AKAP6: variants seen among roughly 807,000 people sequenced by gnomAD.
AKAP6 encodes A-kinase anchoring protein 6, also known as A-kinase anchor protein 6.
A neutral mutation model predicts 188.5 loss-of-function variants in AKAP6; 58 were observed. That is an observed-to-expected ratio of 0.31 (90% CI 0.25 to 0.38). The LOEUF is 0.38. Ranked by LOEUF, AKAP6 falls within the 10% of genes least tolerant of loss-of-function variation. The pLI is 1.00. For synonymous variants in AKAP6, 989 were observed against 998.6 expected (o/e 0.99, Z 0.18); for missense variants, 2,710 against 2,740.0 (o/e 0.99, Z 0.24).
intron 7 of AKAP6, among the ~76,000 whole-genome samples, chr14:32,614,242 C>A (rs1377782623): frequency 6.6e-6 from 1 of 152,164 alleles, no homozygotes; most frequent in African/African-American, 2.4e-5. Flanking sequence ...AGACCTTTGG[C>A]AAATAGCATC....
At chr14:32,612,219 A>G (rs1886377277) in intron 7 of AKAP6, among the ~76,000 whole-genome samples, 1 of 152,124 alleles carries the variant, frequency 6.6e-6, no homozygotes, top group African/African-American at 2.4e-5. Flanking sequence ...GTGGTTTTGA[A>G]TTTCTGTTTA....
At chr14:32,678,035 A>G (rs576962055) in intron 7 of AKAP6, among the ~76,000 whole-genome samples, 1 of 152,338 alleles carries the variant, frequency 6.6e-6, no homozygotes, top group Non-Finnish European at 1.5e-5. Context: ...TTTTATGTAA[A>G]GTCTTATCAT....
intron 4 of AKAP6, among the ~76,000 whole-genome samples, chr14:32,567,064 G>A (rs1196827098): frequency 6.6e-6 from 1 of 152,064 alleles, no homozygotes; most frequent in Non-Finnish European, 1.5e-5. Flanking sequence ...CTGGACTACA[G>A]GTGCACACCA....
intron 1 of AKAP6, among the ~76,000 whole-genome samples, chr14:32,340,343 A>G (rs115200076): frequency 0.012 from 1,864 of 152,322 alleles, 37 homozygotes; most frequent in African/African-American, 0.042. Flanking sequence ...ATGTACAAAT[A>G]CATTACTGTG....
intron 12 of AKAP6, among the ~76,000 whole-genome samples, chr14:32,779,727 T>G (rs187859590): frequency 3.6e-3 from 545 of 152,292 alleles, no homozygotes; most frequent in Non-Finnish European, 5.0e-3. Flanking sequence ...GGGCAGAGAT[T>G]CCATTACTTT....
Position 32,824,623 on chromosome 14 carries a change from T to C in AKAP6, c.6810T>C (p.Ala2270=). ...GESGMPEEHN[A]ASAKSKVQDL... ...CTGGAATGCCAGAAGAACATAATGC[T>C]GCTTCAGCCAAATCTAAAGTTCAAG... The change falls in exon 13 of 14, where the codon GCT becomes GCC. Residue 2270 remains alanine, a synonymous_variant. Transcript: ENST00000280979. 1.2e-6 allele frequency: 2 copies of C among 1,613,938 alleles called. No individual in the cohort carries two copies. The highest frequency in any genetic ancestry group is 1.7e-6 in the Non-Finnish European group (2 of 1,179,922).
chr14:32,525,708 C>T (rs1882085814), intron 2 of AKAP6, among the ~76,000 whole-genome samples: 2 of 152,150 alleles, frequency 1.3e-5, no homozygotes, highest in African/African-American at 4.8e-5. Context: ...TAGGGGTTTA[C>T]CTCTAATTTG....
chr14:32,803,281 A>C (rs2033999627), intron 12 of AKAP6, among the ~76,000 whole-genome samples: 1 of 80,954 alleles, frequency 1.2e-5, no homozygotes, highest in East Asian at 3.3e-4. Context: ...CCGTCTCTAT[A>C]AAAAAAAAAA....
intron 2 of AKAP6, among the ~76,000 whole-genome samples, chr14:32,510,404 G>GTA (rs1491117066): frequency 2.7e-5 from 2 of 74,756 alleles, no homozygotes; most frequent in Admixed American, 1.5e-4. Context: ...GTATATATAT[G>GTA]TATATATATG....
At chr14:32,442,808 C>T (rs908641033) in intron 2 of AKAP6, among the ~76,000 whole-genome samples, 13 of 151,940 alleles carry the variant, frequency 8.6e-5, no homozygotes, top group Middle Eastern at 3.4e-3. Context: ...TCCTGGGGTC[C>T]CTTTGAGTAG....
chr14:32,528,248 T>G (rs1882228467), intron 2 of AKAP6, among the ~76,000 whole-genome samples: 1 of 152,154 alleles, frequency 6.6e-6, no homozygotes, highest in African/African-American at 2.4e-5. Context: ...TGCTCCTTTG[T>G]CGAACATCAG....
At chr14:32,726,364 T>C (rs2030874432) in intron 9 of AKAP6, among the ~76,000 whole-genome samples, 1 of 152,102 alleles carries the variant, frequency 6.6e-6, no homozygotes, top group South Asian at 2.1e-4. Context: ...CAGGTCTAAA[T>C]AGAAAAAGAA....
chr14:32,599,406 G>A lies in AKAP6; in HGVS notation c.2470-4G>A. On this transcript the variant is annotated splice_region_variant and splice_polypyrimidine_tract_variant and intron_variant, in intron 5 of 13. Coordinates refer to ENST00000280979, the MANE Select transcript of AKAP6 (RefSeq NM_004274.5). ...GGGTTTAATGTTCATATTTTTCCTT[G>A]CAGAGTTTTAAGTTGAATGTAGACA... 1.9e-6 allele frequency: 3 copies of A among 1,608,400 alleles called. No homozygotes were observed. Among genetic ancestry groups the A allele is most frequent in the Non-Finnish European group, 2.5e-6 (3 of 1,177,144 alleles).
chr14:32,570,707 T>C (rs1354823710), intron 4 of AKAP6, among the ~76,000 whole-genome samples: 1 of 152,188 alleles, frequency 6.6e-6, no homozygotes, highest in Non-Finnish European at 1.5e-5. Flanking sequence ...AGACATTAAG[T>C]CATTAGGTAT....
rs1233629827 is a variant in AKAP6 at position 32,545,938 on chromosome 14, G to A, written c.1285G>A (p.Val429Ile). Residue 429 changes from valine (V) to isoleucine (I), a missense_variant, in exon 4 of 14, where the codon GTA becomes ATA. Physicochemically the swap from Val to Ile is conservative, Grantham distance 29. Transcript: ENST00000280979. ...PEMSRSTPSL[V>I]DPPDRSKLCL... ...GATGAGCAGAAGCACCCCTTCGCTA[G>A]TAGATCCTCCTGACAGATCCAAACT... The A allele has an allele frequency of 6.2e-7, 1 of 1,614,224 alleles. No individual in the cohort carries two copies. Among genetic ancestry groups the A allele is most frequent in the Non-Finnish European group, 8.5e-7 (1 of 1,180,028 alleles).
chr14:32,664,789 G>T (rs1888850715), intron 7 of AKAP6, among the ~76,000 whole-genome samples: 1 of 151,992 alleles, frequency 6.6e-6, no homozygotes, highest in South Asian at 2.1e-4. Flanking sequence ...GCTTCACATG[G>T]TCTACTCCTG....
chr14:32,417,920 A>G (rs1889715477), intron 1 of AKAP6: 1 of 152,188 alleles, frequency 6.6e-6, no homozygotes, highest in South Asian at 2.1e-4. Context: ...GTGAAGTATC[A>G]TTTCTTGTTT....
intron 9 of AKAP6, among the ~76,000 whole-genome samples, chr14:32,716,335 A>C (rs1406022927): frequency 6.6e-6 from 1 of 151,680 alleles, no homozygotes; most frequent in Non-Finnish European, 1.5e-5. Context: ...GTCAAGAAAA[A>C]TAGTAAAACT....
intron 5 of AKAP6, among the ~76,000 whole-genome samples, chr14:32,588,822 C>T (rs1406687239): frequency 6.6e-6 from 1 of 152,140 alleles, no homozygotes; most frequent in Non-Finnish European, 1.5e-5. Context: ...CATTTATCAT[C>T]TGTATTTCTT....
Sources: gnomAD v4.1 joint callset for allele counts (sites outside exome capture counted in the v4.1 genomes callset) on GRCh38, gnomAD v4.1.1 for gene constraint, MANE v1.5 for transcripts, NCBI Gene and HGNC (gene_info 2026-07-23, HGNC 2026-07-21) for gene names.